Variants in OTUD7A observed in about 807,000 individuals in gnomAD.
The protein encoded by OTUD7A is OTU domain-containing protein 7A.
In OTUD7A, 12 loss-of-function variants were observed where a neutral mutation model predicts 65.7. The observed-to-expected ratio is 0.18, with a 90% CI of 0.12 to 0.30. The LOEUF is 0.30. Ranked by LOEUF, OTUD7A falls within the 10% of genes least tolerant of loss-of-function variation. The pLI, the probability that OTUD7A is intolerant of heterozygous loss-of-function variation, is 1.00. For missense variants in OTUD7A, 1,148 were observed against 1,304.8 expected (o/e 0.88, Z 1.85); for synonymous variants, 641 against 586.3 (o/e 1.09, Z -1.35).
At chr15:31,774,539 C>T (rs778917076) in intron 1 of OTUD7A, among the ~76,000 whole-genome samples, 8 of 152,214 alleles carry the variant, frequency 5.3e-5, no homozygotes, top group Non-Finnish European at 1.0e-4. Context: ...TGAAATAAAG[C>T]TCCAGCTCCA....
chr15:31,833,680 A>T (rs1443018013), intron 1 of OTUD7A, among the ~76,000 whole-genome samples: 1 of 152,258 alleles, frequency 6.6e-6, no homozygotes, highest in Non-Finnish European at 1.5e-5. Flanking sequence ...ATTTATTGAC[A>T]CTCTTTTAGA....
At chr15:31,660,241 C>T (rs1892124035) in intron 1 of OTUD7A, among the ~76,000 whole-genome samples, 2 of 152,238 alleles carry the variant, frequency 1.3e-5, no homozygotes, top group Admixed American at 1.3e-4. Context: ...GTAAGAAGAT[C>T]AGATGCCTGG....
intron 1 of OTUD7A, among the ~76,000 whole-genome samples, chr15:31,839,424 G>C (rs1427589489): frequency 2.6e-5 from 4 of 152,168 alleles, no homozygotes; most frequent in Non-Finnish European, 5.9e-5. Flanking sequence ...ATAAAAGAGT[G>C]GACTGGCTGT....
intron 3 of OTUD7A, among the ~76,000 whole-genome samples, chr15:31,631,511 T>C (rs1891153568): frequency 6.6e-6 from 1 of 152,346 alleles, no homozygotes; most frequent in South Asian, 2.1e-4. Flanking sequence ...TCTCTCTGTC[T>C]GCGCTTAACA....
At position 31,570,210 on chromosome 15, in the gene OTUD7A, A is replaced by G; in HGVS notation, c.152-13T>C. On this transcript the variant is annotated splice_polypyrimidine_tract_variant and intron_variant, in intron 3 of 12. Transcript: ENST00000307050. ...TCCCAGTTTTTGCCTGTGGACAAGA[A>G]ATGACAAGAGGTGACAATACGAACG... 6.2e-7 allele frequency: 1 copy of G among 1,613,592 alleles called. No homozygotes were observed. The highest frequency in any genetic ancestry group is 8.5e-7 in the Non-Finnish European group (1 of 1,179,538).
intron 1 of OTUD7A, among the ~76,000 whole-genome samples, chr15:31,819,144 C>A (rs533334994): frequency 7.2e-5 from 11 of 152,268 alleles, no homozygotes; most frequent in Admixed American, 3.3e-4. Context: ...AGGATGGACT[C>A]TGAGCTAGAA....
chr15:31,709,644 G>A (rs1174344305), intron 1 of OTUD7A, among the ~76,000 whole-genome samples: 1 of 151,958 alleles, frequency 6.6e-6, no homozygotes, highest in Non-Finnish European at 1.5e-5. Flanking sequence ...GGCGGGAAGA[G>A]ACAGAACACA....
chr15:31,657,120 T>C (rs187510508), intron 1 of OTUD7A, 43 bp from the exon 2 acceptor site: 1 of 152,722 alleles, frequency 6.5e-6, no homozygotes, highest in Non-Finnish European at 1.5e-5. Flanking sequence ...ATCTCCTTAC[T>C]CTCAGACTGA....
Position 31,484,972 on chromosome 15 carries a change from G to A in OTUD7A, c.1372-248C>T, listed in dbSNP as rs1198300937. On this transcript the variant is annotated intron_variant, in intron 12 of 12. Transcript: ENST00000307050. The surrounding 1 kb of genome is among the most constrained non-coding windows in gnomAD (Gnocchi z 4.5). ...GACCTCTTAACTGCGTGTGTCTTCT[G>A]GCCAGGGAAGCTGGGGTGTACTCAT... is the stretch of plus-strand genomic sequence containing the variant. Among the ~76,000 whole-genome samples the A allele has an allele frequency of 6.6e-6, 1 of 152,186 alleles. No homozygotes were observed. Among genetic ancestry groups the A allele is most frequent in the Non-Finnish European group, 1.5e-5 (1 of 68,030 alleles).
At chr15:31,753,684 G>GAT (rs374008491) in intron 1 of OTUD7A, among the ~76,000 whole-genome samples, 950 of 61,060 alleles carry the variant, frequency 0.016, 47 homozygotes, top group East Asian at 0.043. Context: ...TATAACCTGT[G>GAT]AGATATATAT....
intron 9 of OTUD7A, 127 bp downstream of exon 9, chr15:31,503,564 A>G (rs2041507485): frequency 8.0e-7 from 1 of 1,253,132 alleles, no homozygotes; most frequent in Admixed American, 1.9e-5. Context: ...CACGTCGAGG[A>G]GATCTTTGCA....
Position 31,484,578 on chromosome 15 carries a change from C to T in OTUD7A, c.1518G>A (p.Glu506=), listed in dbSNP as rs996273208. 9.3e-6 allele frequency: 15 copies of T among 1,610,594 alleles called. No individual in the cohort carries two copies. Among genetic ancestry groups the T allele is most frequent in the South Asian group, 3.3e-5 (3 of 90,834 alleles). The part of the protein sequence containing the change: ...NGKNGKDKEK[E]KQRKEKDKTR... ...TCTTGTCCTTCTCCTTGCGCTGCTT[C>T]TCCTTCTCCTTGTCCTTGCCGTTCT... Residue 506 remains glutamate (E), a synonymous_variant, in exon 13 of 13, where the codon GAG becomes GAA. Coordinates refer to ENST00000307050, the MANE Select transcript of OTUD7A (RefSeq NM_001382637.1). The surrounding 1 kb of genome is among the most constrained non-coding windows in gnomAD (Gnocchi z 4.5).
chr15:31,509,468 A>C (rs563656943), intron 8 of OTUD7A, among the ~76,000 whole-genome samples: 1 of 152,012 alleles, frequency 6.6e-6, no homozygotes, highest in East Asian at 1.9e-4. Context: ...TTTAGTAGAG[A>C]TGGGGTTTCA....
At chr15:31,851,606 C>G (rs1306747339) in intron 1 of OTUD7A, among the ~76,000 whole-genome samples, 1 of 152,186 alleles carries the variant, frequency 6.6e-6, no homozygotes, top group Non-Finnish European at 1.5e-5. Flanking sequence ...GTCTTTTCTC[C>G]ACATTTGCAA....
At chr15:31,764,055 C>G (rs536940243) in intron 1 of OTUD7A, among the ~76,000 whole-genome samples, 2 of 152,034 alleles carry the variant, frequency 1.3e-5, no homozygotes, top group Admixed American at 6.6e-5. Flanking sequence ...AAGAGTGACA[C>G]GGGAGGGAAA....
intron 1 of OTUD7A, among the ~76,000 whole-genome samples, chr15:31,803,231 T>G (rs1357878593): frequency 1.3e-5 from 2 of 152,142 alleles, no homozygotes; most frequent in Non-Finnish European, 2.9e-5. Context: ...TTTTCACATT[T>G]CCAGGACACA....
chr15:31,683,598 A>T (rs1892769926), intron 1 of OTUD7A, among the ~76,000 whole-genome samples: 1 of 152,234 alleles, frequency 6.6e-6, no homozygotes, highest in African/African-American at 2.4e-5. Context: ...GGCACATAGC[A>T]AGTACCAAAA....
chr15:31,720,072 T>A (rs1053596537), intron 1 of OTUD7A, among the ~76,000 whole-genome samples: 4 of 152,186 alleles, frequency 2.6e-5, no homozygotes, highest in Non-Finnish European at 5.9e-5. Flanking sequence ...ATTCAGCTGC[T>A]CTCTGTAAAG....
chr15:31,612,487 T>C (rs962804828), intron 3 of OTUD7A, among the ~76,000 whole-genome samples: 7 of 152,124 alleles, frequency 4.6e-5, no homozygotes, highest in African/African-American at 1.7e-4. Flanking sequence ...TGGTAACTCT[T>C]CTATATACCA....
Sources: gnomAD v4.1 joint callset for allele counts (sites outside exome capture counted in the v4.1 genomes callset) on GRCh38, gnomAD v4.1.1 for gene constraint, Gnocchi (gnomAD v3.1) non-coding constraint, MANE v1.5 for transcripts, NCBI Gene and HGNC (gene_info 2026-07-23, HGNC 2026-07-21) for gene names.